PDE4D: variants seen among roughly 807,000 people sequenced by gnomAD.
The protein encoded by PDE4D is 3',5'-cyclic-AMP phosphodiesterase 4D.
Under a neutral mutation model 87.4 loss-of-function variants are expected in PDE4D, and 24 were observed. The ratio of observed to expected loss-of-function variants is 0.27; its 90% confidence interval spans 0.20 to 0.39. PDE4D has a LOEUF of 0.39. PDE4D is among the 10% of genes least tolerant of loss of function. The pLI is 1.00. For synonymous variants in PDE4D, 384 were observed against 383.2 expected, an observed-to-expected ratio of 1.00 and a Z score of -0.02; for missense variants, 714 against 1,041.0, an observed-to-expected ratio of 0.69 and a Z score of 4.32.
At chr5:59,784,030 T>C (rs1469235031) in intron 1 of PDE4D, among the ~76,000 whole-genome samples, 1 of 151,970 alleles carries the variant, frequency 6.6e-6, no homozygotes, top group Admixed American at 6.6e-5. Flanking sequence ...CTGCACTCCA[T>C]CCTGAGTGAC....
At chr5:59,084,412 T>C (rs1767310443) in intron 5 of PDE4D, among the ~76,000 whole-genome samples, 1 of 151,932 alleles carries the variant, frequency 6.6e-6, no homozygotes, top group Non-Finnish European at 1.5e-5. Context: ...TTATAAAATA[T>C]ATTTATATAG....
Position 59,988,429 on chromosome 5 carries a change from A to G in PDE4D, c.272+59T>C, listed in dbSNP as rs723962. On this transcript the variant is annotated intron_variant, in intron 3 of 16. Transcript: ENST00000502484. ...ATGAGCCACAAAAACTCAAAAGACC[A>G]CAGACAACAATCACCATCTAAAATA... 4,441 of 1,140,852 alleles carry G rather than the reference A, an allele frequency of 3.9e-3. 23 individuals are homozygous for G. Among genetic ancestry groups the G allele is most frequent in the South Asian group, 0.013 (816 of 62,376 alleles). 70.7% of individuals were successfully genotyped at this position (1,140,852 alleles called of 1,614,324 possible).
intron 1 of PDE4D, among the ~76,000 whole-genome samples, chr5:59,814,154 G>A (rs934442967): frequency 2.6e-5 from 4 of 152,088 alleles, no homozygotes; most frequent in African/African-American, 9.7e-5. Flanking sequence ...CCTGGCACTA[G>A]GGGGCGGCAA....
chr5:59,831,326 C>CA (rs35043596), intron 1 of PDE4D, among the ~76,000 whole-genome samples: 1,022 of 91,218 alleles, frequency 0.011, 17 homozygotes, highest in Non-Finnish European at 0.015. Flanking sequence ...AAATTATTCT[C>CA]AAAAAAAAAA....
intron 1 of PDE4D, among the ~76,000 whole-genome samples, chr5:60,296,450 C>A (rs1309364725): frequency 6.6e-6 from 1 of 151,962 alleles, no homozygotes; most frequent in Non-Finnish European, 1.5e-5. Flanking sequence ...AAAAAAATGA[C>A]TGGGTAAGCC....
intron 1 of PDE4D, among the ~76,000 whole-genome samples, chr5:59,883,500 G>A (rs944444692): frequency 6.6e-6 from 1 of 152,086 alleles, no homozygotes. Flanking sequence ...TAGACAACAG[G>A]CCATCAATGT....
chr5:59,907,567 T>C (rs1752977955), intron 3 of PDE4D, among the ~76,000 whole-genome samples: 1 of 152,078 alleles, frequency 6.6e-6, no homozygotes, highest in Non-Finnish European at 1.5e-5. Context: ...ATAACAAACC[T>C]GCACATGTAC....
At chr5:59,540,598 G>A (rs1245822482) in intron 1 of PDE4D, among the ~76,000 whole-genome samples, 3 of 152,212 alleles carry the variant, frequency 2.0e-5, no homozygotes, top group African/African-American at 2.4e-5. Context: ...CTGGAACAAT[G>A]AGGGCCCACA....
chr5:59,019,569 C>T (rs1253401637), intron 6 of PDE4D, among the ~76,000 whole-genome samples: 1 of 152,112 alleles, frequency 6.6e-6, no homozygotes, highest in East Asian at 1.9e-4. Context: ...ATGCCCACTA[C>T]CCTCCTCTCC....
intron 1 of PDE4D, among the ~76,000 whole-genome samples, chr5:60,327,146 G>C (rs149181131): frequency 1.3e-5 from 2 of 152,126 alleles, no homozygotes; most frequent in Admixed American, 1.3e-4. Context: ...TAGATTAATA[G>C]GAGAAAAGCA....
intron 1 of PDE4D, chr5:60,459,883 C>T: frequency 1.5e-6 from 1 of 657,408 alleles, no homozygotes; most frequent in Non-Finnish European, 2.8e-6. Context: ...TCCTTCCTCC[C>T]CTTCATCATC....
intron 2 of PDE4D, among the ~76,000 whole-genome samples, chr5:60,131,070 C>T (rs1779524299): frequency 6.6e-6 from 1 of 152,212 alleles, no homozygotes; most frequent in African/African-American, 2.4e-5. Context: ...CATCAATTTA[C>T]ACCCTCAAGG....
At chr5:60,410,781 T>C (rs1464598344) in intron 1 of PDE4D, among the ~76,000 whole-genome samples, 4 of 152,242 alleles carry the variant, frequency 2.6e-5, no homozygotes, top group African/African-American at 9.6e-5. Context: ...GCTTGGCCAC[T>C]GCAGGTATTG....
chr5:60,043,894 A>G (rs746081970), intron 2 of PDE4D, among the ~76,000 whole-genome samples: 1 of 152,186 alleles, frequency 6.6e-6, no homozygotes, highest in Non-Finnish European at 1.5e-5. Context: ...CACTGTATCC[A>G]GAATTCTAGT....
intron 1 of PDE4D, among the ~76,000 whole-genome samples, chr5:60,256,029 T>C (rs1749012452): frequency 6.6e-6 from 1 of 151,914 alleles, no homozygotes; most frequent in Non-Finnish European, 1.5e-5. Flanking sequence ...AATTTCAGTA[T>C]TGCATTTGGA....
intron 1 of PDE4D, among the ~76,000 whole-genome samples, chr5:59,443,071 A>G (rs1315855251): frequency 6.6e-6 from 1 of 152,222 alleles, no homozygotes. Context: ...CAAAGCTTAC[A>G]ATACTTTTTA....
At chr5:59,356,785 G>A in intron 1 of PDE4D, 3 of 1,567,836 alleles carry the variant, frequency 1.9e-6, no homozygotes, top group Non-Finnish European at 1.7e-6. Flanking sequence ...ACGCAATCTT[G>A]ATTTGGCTCT....
chr5:59,430,259 A>G (rs2153631366), intron 1 of PDE4D: 2 of 1,230,678 alleles, frequency 1.6e-6, no homozygotes, highest in East Asian at 3.2e-5. Context: ...ACACATTTTC[A>G]CTGACAAACA....
intron 1 of PDE4D, among the ~76,000 whole-genome samples, chr5:60,395,142 A>G (rs900210110): frequency 6.6e-6 from 1 of 152,108 alleles, no homozygotes; most frequent in Non-Finnish European, 1.5e-5. Context: ...CAATTCAACA[A>G]AGAGGTGATG....
Sources: allele counts gnomAD v4.1 joint callset (sites outside exome capture counted in the v4.1 genomes callset), GRCh38; gene constraint gnomAD v4.1.1; transcripts MANE v1.5; gene names NCBI Gene and HGNC (gene_info 2026-07-23, HGNC 2026-07-21).